LRRC4C: variants seen among roughly 807,000 people sequenced by gnomAD.
LRRC4C encodes leucine-rich repeat-containing protein 4C.
LRRC4C carries 5 observed loss-of-function variants against 33.6 expected under a neutral mutation model. The ratio of observed to expected loss-of-function variants is 0.15; its 90% CI spans 0.08 to 0.31. The LOEUF (loss-of-function observed/expected upper bound fraction) is 0.31, where lower values mean the gene tolerates loss of function less well. Among genes scored for constraint, LRRC4C ranks in the 10% least tolerant of loss-of-function variants. The pLI, the probability that LRRC4C is intolerant of heterozygous loss-of-function variation, is 1.00. For synonymous variants in LRRC4C, 329 were observed against 302.0 expected, an observed-to-expected ratio of 1.09 and a Z score of -0.93; for missense variants, 560 against 796.7, an observed-to-expected ratio of 0.70 and a Z score of 3.58.
intron 2 of LRRC4C, among the ~76,000 whole-genome samples, chr11:40,727,459 A>C (rs1437061916): frequency 6.6e-6 from 1 of 152,202 alleles, no homozygotes; most frequent in Non-Finnish European, 1.5e-5. Context: ...CACACTATAA[A>C]AATCCTAGAA....
At chr11:40,982,120 T>A (rs1045886975) in intron 1 of LRRC4C, among the ~76,000 whole-genome samples, 2 of 152,182 alleles carry the variant, frequency 1.3e-5, no homozygotes, top group African/African-American at 4.8e-5. Context: ...AGAAACAATA[T>A]CATGGCTGTC....
At chr11:41,278,937 A>G (rs770689832) in intron 1 of LRRC4C, among the ~76,000 whole-genome samples, 7 of 152,132 alleles carry the variant, frequency 4.6e-5, no homozygotes, top group Non-Finnish European at 8.8e-5. Context: ...TAGGTAGCAT[A>G]GTTAGTACCC....
chr11:41,075,050 T>G (rs75300218), intron 1 of LRRC4C, among the ~76,000 whole-genome samples: 13 of 42,618 alleles, frequency 3.1e-4, no homozygotes, highest in African/African-American at 9.7e-4. Flanking sequence ...TTTAATGTTT[T>G]TTTTTTTTTT....
chr11:41,399,596 A>G (rs1953950525), intron 1 of LRRC4C, among the ~76,000 whole-genome samples: 2 of 151,984 alleles, frequency 1.3e-5, no homozygotes, highest in Admixed American at 6.6e-5. Context: ...AGCCTCTTGC[A>G]GGGAGAAACT....
In LRRC4C at chr11:40,145,068, C is replaced by T. The variant is rs76322747; in HGVS notation, c.-95-4215G>A. On this transcript the variant is annotated intron_variant, in intron 5 of 6. Coordinates refer to ENST00000528697, the MANE Select transcript of LRRC4C (RefSeq NM_001258419.2). ...ACTGCATGCCCCCTGGGACAGCCAACATATTCCATTCCATGGGCATGCATA... is the reference window on the plus strand; with the variant it reads ...ACTGCATGCCCCCTGGGACAGCCAATATATTCCATTCCATGGGCATGCATA... Among the ~76,000 whole-genome samples the T allele has an allele frequency of 9.7e-3, 1,483 of 152,302 alleles. 22 individuals carry two copies. Among genetic ancestry groups the T allele is most frequent in the African/African-American group, 0.033 (1,378 of 41,562 alleles).
intron 2 of LRRC4C, among the ~76,000 whole-genome samples, chr11:40,842,314 C>T (rs747864521): frequency 2.0e-5 from 3 of 152,154 alleles, no homozygotes; most frequent in Non-Finnish European, 4.4e-5. Context: ...CAACTCTTAA[C>T]ATTCTTCAGA....
chr11:41,278,875 C>CATG (rs1379303566), intron 1 of LRRC4C, among the ~76,000 whole-genome samples: 17 of 152,190 alleles, frequency 1.1e-4, no homozygotes, highest in African/African-American at 4.1e-4. Context: ...AGTTTTGTTG[C>CATG]ATGGGTAAAT....
At chr11:41,281,082 T>TCTCTCTC (rs1949658584) in intron 1 of LRRC4C, among the ~76,000 whole-genome samples, 4 of 90,856 alleles carry the variant, frequency 4.4e-5, no homozygotes, top group African/African-American at 1.2e-4. Context: ...CTCTGTCCTC[T>TCTCTCTC]CTCTCTCTCT....
intron 1 of LRRC4C, among the ~76,000 whole-genome samples, chr11:41,214,051 T>G (rs2136331823): frequency 6.6e-6 from 1 of 152,330 alleles, no homozygotes; most frequent in African/African-American, 2.4e-5. Context: ...CATTTTCCTA[T>G]TCTGGTCTGT....
chr11:41,140,144 T>G (rs748299241), intron 1 of LRRC4C, among the ~76,000 whole-genome samples: 4 of 152,156 alleles, frequency 2.6e-5, no homozygotes, highest in African/African-American at 4.8e-5. Flanking sequence ...CTTATTACCC[T>G]CACTTAGTGA....
intron 3 of LRRC4C, among the ~76,000 whole-genome samples, chr11:40,381,076 T>C (rs1019608766): frequency 1.3e-5 from 2 of 152,150 alleles, no homozygotes; most frequent in African/African-American, 4.8e-5. Context: ...CTATGGATGA[T>C]TGTGCAATAT....
At chr11:41,318,959 C>T (rs1447517488) in intron 1 of LRRC4C, among the ~76,000 whole-genome samples, 3 of 152,146 alleles carry the variant, frequency 2.0e-5, no homozygotes, top group South Asian at 2.1e-4. Context: ...TTTAACAATC[C>T]CTTTGGTGCC....
At chr11:40,900,772 C>A (rs1014706305) in intron 2 of LRRC4C, among the ~76,000 whole-genome samples, 2 of 151,802 alleles carry the variant, frequency 1.3e-5, no homozygotes, top group Admixed American at 1.3e-4. Flanking sequence ...TAGATTATAT[C>A]TTTTGTTCTA....
At chr11:40,945,721 AT>A (rs1030335677) in intron 1 of LRRC4C, among the ~76,000 whole-genome samples, 1 of 152,156 alleles carries the variant, frequency 6.6e-6, no homozygotes, top group African/African-American at 2.4e-5. Flanking sequence ...TCCACCAACC[AT>A]GGGGAAAGGA....
intron 3 of LRRC4C, among the ~76,000 whole-genome samples, chr11:40,363,523 T>A (rs559128657): frequency 6.6e-6 from 1 of 152,080 alleles, no homozygotes; most frequent in Non-Finnish European, 1.5e-5. Flanking sequence ...CTCACGTTTA[T>A]CTATGTAACA....
intron 4 of LRRC4C, among the ~76,000 whole-genome samples, chr11:40,299,208 C>T (rs1316261315): frequency 1.3e-5 from 2 of 152,106 alleles, no homozygotes; most frequent in Admixed American, 6.5e-5. Flanking sequence ...CATAATGATC[C>T]TCAATTACGT....
At chr11:40,640,745 T>C (rs999318556) in intron 3 of LRRC4C, among the ~76,000 whole-genome samples, 10 of 152,264 alleles carry the variant, frequency 6.6e-5, no homozygotes, top group African/African-American at 2.4e-4. Flanking sequence ...CCAGGCGCCA[T>C]GGCTCACGCC....
At chr11:40,795,254 C>A (rs181084257) in intron 2 of LRRC4C, among the ~76,000 whole-genome samples, 4 of 152,146 alleles carry the variant, frequency 2.6e-5, no homozygotes, top group Non-Finnish European at 2.9e-5. Context: ...AAAGACTGGG[C>A]GCGGTGGCTC....
At chr11:40,731,844 T>C (rs546780676) in intron 2 of LRRC4C, among the ~76,000 whole-genome samples, 1 of 152,296 alleles carries the variant, frequency 6.6e-6, no homozygotes, top group East Asian at 1.9e-4. Context: ...ATTTATTAAA[T>C]GAAAGGTGCT....
Sources: allele counts gnomAD v4.1 joint callset (sites outside exome capture counted in the v4.1 genomes callset), GRCh38; gene constraint gnomAD v4.1.1; transcripts MANE v1.5; gene names NCBI Gene and HGNC (gene_info 2026-07-23, HGNC 2026-07-21).